Variants in TCF12 observed in about 807,000 individuals in gnomAD.
TCF12 encodes the protein DNA-binding protein HTF4.
In TCF12, 45 loss-of-function variants were observed where a neutral mutation model predicts 86.0. That is an observed-to-expected ratio of 0.52 (90% confidence interval 0.41 to 0.67). The LOEUF (loss-of-function observed/expected upper bound fraction) is 0.67, where lower values mean the gene tolerates loss of function less well. Ranked by LOEUF, TCF12 falls within the 30% of genes least tolerant of loss-of-function variation. TCF12 has a pLI of 0.00. For missense variants in TCF12, 881 were observed against 859.9 expected (o/e 1.02, Z -0.31); for synonymous variants, 330 against 299.6 (o/e 1.10, Z -1.05).
chr15:57,108,318 TCTTCTCCCCGTACCCC>T lies in TCF12; in HGVS notation c.325+16429_325+16444del, dbSNP rs1272172855. Among the ~76,000 whole-genome samples, 7 of 152,272 alleles carry T rather than the reference TCTTCTCCCCGTACCCC, an allele frequency of 4.6e-5. No individual in the cohort carries two copies. In the East Asian group the frequency reaches 1.4e-3, roughly 29 times the overall value. The stretch of plus-strand genomic sequence containing the variant: ...ACCTAGGGCTGATCCCTATCACCTT[TCTTCTCCCCGTACCCC>T]CAACCCTAGAGGCAAGATAGAAAGA... On this transcript the variant is annotated intron_variant, in intron 5 of 20. Transcript: ENST00000333725.
intron 12 of TCF12, among the ~76,000 whole-genome samples, chr15:57,234,532 A>G (rs541167561): frequency 6.6e-6 from 1 of 152,326 alleles, no homozygotes; most frequent in East Asian, 1.9e-4. Flanking sequence ...TGATTTACTC[A>G]AGGAATAGGA....
intron 5 of TCF12, among the ~76,000 whole-genome samples, chr15:57,126,988 T>A (rs1369417747): frequency 1.3e-5 from 2 of 151,248 alleles, no homozygotes; most frequent in Non-Finnish European, 3.0e-5. Context: ...TCTTTTCTTT[T>A]TTTTTTTTTG....
chr15:56,928,975 C>T (rs2060132507), intron 3 of TCF12, among the ~76,000 whole-genome samples: 1 of 152,296 alleles, frequency 6.6e-6, no homozygotes, highest in Middle Eastern at 3.4e-3. Context: ...TAGCCTGAAG[C>T]AGCACGTTGC....
chr15:56,999,518 G>A (rs541245516), intron 3 of TCF12, among the ~76,000 whole-genome samples: 3 of 152,174 alleles, frequency 2.0e-5, no homozygotes, highest in Non-Finnish European at 4.4e-5. Flanking sequence ...AATTCCTTGG[G>A]ACAGTAACTA....
chr15:57,022,037 C>G (rs548859876), intron 3 of TCF12, among the ~76,000 whole-genome samples: 1 of 150,870 alleles, frequency 6.6e-6, no homozygotes, highest in African/African-American at 2.5e-5. Flanking sequence ...ATTTGTCAGG[C>G]AGATCTTTTC....
chr15:57,054,521 A>G (rs1166255664), intron 3 of TCF12, among the ~76,000 whole-genome samples: 1 of 152,204 alleles, frequency 6.6e-6, no homozygotes, highest in African/African-American at 2.4e-5. Context: ...GAAGGGCAGC[A>G]ACATGAACTT....
chr15:56,921,688 A>G (rs181317796), intron 3 of TCF12, among the ~76,000 whole-genome samples: 1 of 152,140 alleles, frequency 6.6e-6, no homozygotes, highest in African/African-American at 2.4e-5. Flanking sequence ...AAGCCATGAC[A>G]GCATCATCTT....
intron 3 of TCF12, among the ~76,000 whole-genome samples, chr15:57,040,467 G>C (rs1015456711): frequency 6.6e-6 from 1 of 152,194 alleles, no homozygotes; most frequent in African/African-American, 2.4e-5. Context: ...AAGGAGTTCC[G>C]TAAGAATTGG....
intron 5 of TCF12, among the ~76,000 whole-genome samples, chr15:57,164,947 C>A (rs902574603): frequency 7.2e-5 from 11 of 152,332 alleles, no homozygotes; most frequent in Non-Finnish European, 1.3e-4. Context: ...TCCCAAAGTG[C>A]TGGGATTGCA....
At chr15:57,112,286 A>G (rs1783046049) in intron 5 of TCF12, among the ~76,000 whole-genome samples, 1 of 152,178 alleles carries the variant, frequency 6.6e-6, no homozygotes, top group South Asian at 2.1e-4. Flanking sequence ...CTGACTTTCC[A>G]GTGATCTAAG....
intron 3 of TCF12, among the ~76,000 whole-genome samples, chr15:56,955,330 T>G (rs188434480): frequency 2.0e-5 from 3 of 151,688 alleles, no homozygotes; most frequent in Admixed American, 1.3e-4. Context: ...ATGTTCTCAC[T>G]CATAGGTGGG....
chr15:56,947,213 A>C (rs1385365029), intron 3 of TCF12, among the ~76,000 whole-genome samples: 1 of 152,114 alleles, frequency 6.6e-6, no homozygotes, highest in Admixed American at 6.5e-5. Context: ...TTCCAGCTGA[A>C]AACATCTCCC....
intron 3 of TCF12, among the ~76,000 whole-genome samples, chr15:57,026,399 A>G (rs75858506): frequency 0.014 from 2,083 of 152,298 alleles, 57 homozygotes; most frequent in African/African-American, 0.044. Flanking sequence ...TGAGAGGCCT[A>G]GTGTCCTGTT....
intron 8 of TCF12, among the ~76,000 whole-genome samples, chr15:57,198,725 T>C (rs909642562): frequency 5.4e-5 from 8 of 148,652 alleles, no homozygotes; most frequent in Non-Finnish European, 8.9e-5. Context: ...CATCTTTTTG[T>C]TGTGTAAATG....
chr15:56,984,204 A>G (rs1304271117), intron 3 of TCF12, among the ~76,000 whole-genome samples: 1 of 151,570 alleles, frequency 6.6e-6, no homozygotes. Context: ...CATTATACAT[A>G]TATGTGCATA....
At chr15:57,221,486 A>C (rs900388432) in intron 8 of TCF12, among the ~76,000 whole-genome samples, 1 of 149,476 alleles carries the variant, frequency 6.7e-6, no homozygotes, top group Admixed American at 6.7e-5. Flanking sequence ...TTTAGATTTT[A>C]TTCTTTGGAA....
intron 3 of TCF12, among the ~76,000 whole-genome samples, chr15:56,940,744 C>CCTCCTT (rs72073466): frequency 1.2e-4 from 14 of 117,018 alleles, no homozygotes; most frequent in Non-Finnish European, 2.0e-4. Context: ...CCCCCCTTCT[C>CCTCCTT]CTCCTTCTCC....
At chr15:57,256,490 C>A (rs2060351113) in intron 16 of TCF12, among the ~76,000 whole-genome samples, 1 of 152,162 alleles carries the variant, frequency 6.6e-6, no homozygotes, top group African/African-American at 2.4e-5. Context: ...ACAATACATC[C>A]TCCTAACTAA....
intron 11 of TCF12, among the ~76,000 whole-genome samples, chr15:57,233,136 G>GTA (rs764161535): frequency 3.3e-4 from 50 of 149,328 alleles, no homozygotes; most frequent in Admixed American, 4.7e-4. Context: ...ATGTATATAT[G>GTA]TATATATATG....
Sources: gnomAD v4.1 joint callset for allele counts (sites outside exome capture counted in the v4.1 genomes callset) on GRCh38, gnomAD v4.1.1 for gene constraint, MANE v1.5 for transcripts, NCBI Gene and HGNC (gene_info 2026-07-23, HGNC 2026-07-21) for gene names.